Variants in EPB41L3 observed in about 807,000 individuals in gnomAD.
The protein encoded by EPB41L3 is erythrocyte membrane protein band 4.1 like 3, also known as band 4.1-like protein 3.
EPB41L3 carries 57 observed loss-of-function variants against 127.1 expected under a neutral mutation model. That is an observed-to-expected ratio of 0.45 (90% CI 0.36 to 0.56). EPB41L3 has a LOEUF of 0.56. Ranked by LOEUF, EPB41L3 falls within the 20% of genes least tolerant of loss-of-function variation. EPB41L3 has a pLI of 0.00. For synonymous variants in EPB41L3, 572 were observed against 549.5 expected, an observed-to-expected ratio of 1.04 and a Z score of -0.57; for missense variants, 1,273 against 1,372.2, an observed-to-expected ratio of 0.93 and a Z score of 1.14.
At chr18:5,415,735 A>C in intron 13 of EPB41L3, 83 bp downstream of exon 13, 1 of 1,378,374 alleles carries the variant, frequency 7.3e-7, no homozygotes, top group Non-Finnish European at 9.9e-7. Context: ...AAGTAGGACC[A>C]CTATGGCAGC....
Position 5,397,241 on chromosome 18 carries a change from G to A in EPB41L3, c.2658C>T (p.Phe886=). 6.2e-7 allele frequency: 1 copy of A among 1,614,132 alleles called. No homozygotes were observed. The highest frequency in any genetic ancestry group is 8.5e-7 in the Non-Finnish European group (1 of 1,180,044). Residue 886 remains phenylalanine, a synonymous_variant, in exon 18 of 23, where the codon TTC becomes TTT. Coordinates refer to ENST00000341928, the MANE Select transcript of EPB41L3 (RefSeq NM_012307.5). The surrounding 1 kb of genome is among the most constrained non-coding windows in gnomAD (Gnocchi z 4.1). ...DSGDAAAQPA[F]TGIKGKEGSA... is the part of the protein sequence containing the mutation. Reference sequence around the variant, plus strand: ...AGCCCTCTTTCCCTTTAATGCCTGTGAATGCGGGCTGTGCTGCAGCATCCC... The same window carrying A: ...AGCCCTCTTTCCCTTTAATGCCTGTAAATGCGGGCTGTGCTGCAGCATCCC...
At chr18:5,457,756 G>T (rs1390141420) in intron 3 of EPB41L3, among the ~76,000 whole-genome samples, 1 of 152,036 alleles carries the variant, frequency 6.6e-6, no homozygotes. Context: ...CCTGCAAAGA[G>T]GAGACTGTAC....
In EPB41L3 at chr18:5,618,331, T is replaced by C. The variant is rs1237306309; in HGVS notation, c.-467-3908A>G. On this transcript the variant is annotated intron_variant, in intron 1 of 21. Coordinates refer to the EPB41L3 transcript ENST00000545076. ...TACTCTTTGATCATTGCTTGTCTTCTGCTTTGAAAAATATTCAGAAAGAGA... is the reference window on the plus strand; with the variant it reads ...TACTCTTTGATCATTGCTTGTCTTCCGCTTTGAAAAATATTCAGAAAGAGA... Among the ~76,000 whole-genome samples the C allele has an allele frequency of 2.0e-5, 3 of 152,212 alleles. No homozygotes were observed. The South Asian group carries it at 6.2e-4, about 32-fold the overall frequency.
At chr18:5,591,631 G>C (rs1477508618) in intron 3 of EPB41L3, among the ~76,000 whole-genome samples, 1 of 152,134 alleles carries the variant, frequency 6.6e-6, no homozygotes, top group East Asian at 1.9e-4. Flanking sequence ...AAGAAAAGTG[G>C]AAGAAATATT....
intron 1 of EPB41L3, among the ~76,000 whole-genome samples, chr18:5,524,153 T>C (rs1375363458): frequency 6.6e-6 from 1 of 152,108 alleles, no homozygotes; most frequent in African/African-American, 2.4e-5. Flanking sequence ...ACAGAGTAAC[T>C]GGCCGGACTC....
intron 1 of EPB41L3, among the ~76,000 whole-genome samples, chr18:5,513,250 C>T (rs2092615479): frequency 1.3e-5 from 2 of 152,192 alleles, no homozygotes; most frequent in African/African-American, 4.8e-5. Flanking sequence ...TTTGAAGCCT[C>T]AGAGATTTGA....
intron 3 of EPB41L3, among the ~76,000 whole-genome samples, chr18:5,549,926 G>T (rs1568560633): frequency 1.3e-5 from 2 of 152,186 alleles, no homozygotes; most frequent in Non-Finnish European, 2.9e-5. Flanking sequence ...TTCACAGTTT[G>T]CAGGAGTTAT....
intron 3 of EPB41L3, among the ~76,000 whole-genome samples, chr18:5,562,312 A>T (rs1018675575): frequency 1.3e-5 from 2 of 148,264 alleles, no homozygotes; most frequent in African/African-American, 5.2e-5. Flanking sequence ...GTTTAAAGGT[A>T]AAAAAAAAGA....
chr18:5,599,516 T>C (rs1333548990), intron 3 of EPB41L3, among the ~76,000 whole-genome samples: 1 of 152,120 alleles, frequency 6.6e-6, no homozygotes, highest in Non-Finnish European at 1.5e-5. Context: ...AGGTGGGGCC[T>C]GGTAGGAGGT....
intron 9 of EPB41L3, among the ~76,000 whole-genome samples, chr18:5,427,744 A>G (rs2078396550): frequency 6.6e-6 from 1 of 152,052 alleles, no homozygotes. Flanking sequence ...TATTAATGAT[A>G]CTGGAATTTT....
Position 5,397,263 on chromosome 18 carries a change from T to A in EPB41L3, c.2636A>T (p.Asp879Val). Reference sequence around the variant, plus strand: ...TGTGAATGCGGGCTGTGCTGCAGCATCCCCGCTGTCTCCCGCCGAGTAAGA... The same window carrying A: ...TGTGAATGCGGGCTGTGCTGCAGCAACCCCGCTGTCTCCCGCCGAGTAAGA... ...DASYSAGDSGDAAAQPAFTGI... is the reference protein window; with the variant it reads ...DASYSAGDSGVAAAQPAFTGI... The change falls in exon 18 of 23, where the codon GAT becomes GTT. Residue 879 changes from aspartate to valine, a missense_variant. Asp to Val is a radical substitution (Grantham distance 152). Around this residue, in one of 3 missense-constraint regions of EPB41L3, gnomAD observed 765 missense variants for 782.9 expected, o/e 0.98. Transcript: ENST00000341928. The surrounding 1 kb of genome is among the most constrained non-coding windows in gnomAD (Gnocchi z 4.1). 2 of 1,614,100 alleles carry A rather than the reference T, an allele frequency of 1.2e-6. No homozygotes were observed. The highest frequency in any genetic ancestry group is 1.6e-4 in the Middle Eastern group (1 of 6,062).
intron 3 of EPB41L3, among the ~76,000 whole-genome samples, chr18:5,450,137 G>A (rs2082090960): frequency 6.6e-6 from 1 of 151,992 alleles, no homozygotes; most frequent in Non-Finnish European, 1.5e-5. Context: ...AGGGAAAAAG[G>A]CAAAACTAAA....
intron 3 of EPB41L3, among the ~76,000 whole-genome samples, chr18:5,563,789 G>T (rs1375800325): frequency 6.6e-6 from 1 of 152,184 alleles, no homozygotes; most frequent in Non-Finnish European, 1.5e-5. Flanking sequence ...CAAGATAAAT[G>T]ATAAATTCTG....
chr18:5,579,340 G>A (rs908107465), intron 3 of EPB41L3, among the ~76,000 whole-genome samples: 2 of 152,172 alleles, frequency 1.3e-5, no homozygotes, highest in African/African-American at 2.4e-5. Flanking sequence ...GGTTATCGTC[G>A]AAATCCTAGC....
At position 5,543,782 on chromosome 18, in the gene EPB41L3, C is replaced by G. The variant is rs374341476; in HGVS notation, c.-12+131G>C. ...GCGCGGGGCTCGGGATTCGGGAGACCGCGCGGCGCCGAAGCCACGCGTCAG... is the reference window on the plus strand; with the variant it reads ...GCGCGGGGCTCGGGATTCGGGAGACGGCGCGGCGCCGAAGCCACGCGTCAG... On this transcript the variant is annotated intron_variant, in intron 1 of 22. Coordinates refer to ENST00000341928, the MANE Select transcript of EPB41L3 (RefSeq NM_012307.5). The surrounding 1 kb of genome is among the most constrained non-coding windows in gnomAD (Gnocchi z 5.2). The G allele has an allele frequency of 1.2e-5, 9 of 738,550 alleles. No individual in the cohort carries two copies. In the African/African-American group the frequency reaches 1.7e-4, roughly 14 times the overall value. The allele number at this position is 738,550 out of a possible 1,614,324, so 45.7% of individuals were successfully genotyped here.
intron 8 of EPB41L3, among the ~76,000 whole-genome samples, chr18:5,431,544 T>C (rs1289747261): frequency 6.6e-6 from 1 of 152,240 alleles, no homozygotes; most frequent in African/African-American, 2.4e-5. Flanking sequence ...CTATTTTAAT[T>C]CTGTAGCTAT....
intron 1 of EPB41L3, chr18:5,518,440 C>T (rs546556543): frequency 1.3e-5 from 2 of 153,076 alleles, no homozygotes; most frequent in African/African-American, 4.8e-5. Context: ...CCTTCCTGAT[C>T]CTTGCCCCAC....
At chr18:5,433,697 A>G in intron 7 of EPB41L3, 141 bp from the exon 8 acceptor site, 1 of 893,482 alleles carries the variant, frequency 1.1e-6, no homozygotes, top group Non-Finnish European at 1.7e-6. Context: ...AACAAGAAAA[A>G]GGGCTTTGCA....
intron 3 of EPB41L3, among the ~76,000 whole-genome samples, chr18:5,597,977 C>G (rs1173809332): frequency 6.6e-6 from 1 of 152,142 alleles, no homozygotes; most frequent in Non-Finnish European, 1.5e-5. Flanking sequence ...CCTGCATGCA[C>G]AATGTTTCTA....
Sources: allele counts gnomAD v4.1 joint callset (sites outside exome capture counted in the v4.1 genomes callset), GRCh38; gene constraint gnomAD v4.1.1; regional missense constraint gnomAD v4.1.1; non-coding constraint Gnocchi (gnomAD v3.1); transcripts MANE v1.5; gene names NCBI Gene and HGNC (gene_info 2026-07-23, HGNC 2026-07-21).